The following WWOX variants were observed in gnomAD, a reference collection of about 807,000 sequenced individuals.
The protein encoded by WWOX is WW domain containing oxidoreductase, also known as WW domain-containing oxidoreductase.
Under a neutral mutation model 46.2 loss-of-function variants are expected in WWOX, and 69 were observed. The ratio of observed to expected loss-of-function variants is 1.49; its 90% CI spans 1.23 to 1.82. The LOEUF is 1.82. WWOX is among the 40% of genes most tolerant of loss of function. The probability of loss-of-function intolerance (pLI) is 0.00; values close to 1 mark genes in which losing one functional copy is unlikely to be tolerated. For missense variants in WWOX, 919 were observed against 542.6 expected (o/e 1.69, Z -6.89); for synonymous variants, 359 against 202.6 (o/e 1.77, Z -6.56).
rs369414064 is a variant in WWOX, at chr16:78,320,465, C to A, written c.517-66395C>A. 3.3e-5 allele frequency among the ~76,000 whole-genome samples: 5 copies of A among 152,130 alleles called. No homozygotes were observed. In the East Asian group the frequency reaches 9.6e-4, roughly 29 times the overall value. On this transcript the variant is annotated intron_variant, in intron 5 of 8. Coordinates refer to ENST00000566780, the MANE Select transcript of WWOX (RefSeq NM_016373.4). Reference sequence around the variant, plus strand: ...TTTGTTTTTAAGTCCCTAGCTGTTTCCAGAAATAGTTTGGTTAATTCATAC... The same window carrying A: ...TTTGTTTTTAAGTCCCTAGCTGTTTACAGAAATAGTTTGGTTAATTCATAC...
chr16:78,793,823 C>T (rs955742060), intron 8 of WWOX, among the ~76,000 whole-genome samples: 4 of 151,942 alleles, frequency 2.6e-5, no homozygotes, highest in African/African-American at 7.2e-5. Context: ...CGTCTGTAAT[C>T]CCAGCACGTT....
chr16:78,650,776 C>G (rs952254658), intron 8 of WWOX, among the ~76,000 whole-genome samples: 2 of 152,178 alleles, frequency 1.3e-5, no homozygotes, highest in African/African-American at 2.4e-5. Context: ...ATGTCTCCCC[C>G]TGTCCCACAA....
intron 8 of WWOX, among the ~76,000 whole-genome samples, chr16:78,560,613 C>T (rs1373615854): frequency 1.3e-5 from 2 of 152,074 alleles, no homozygotes; most frequent in African/African-American, 4.8e-5. Context: ...CATTATACTC[C>T]AGTCTAGGCA....
At chr16:78,459,792 T>G (rs983980390) in intron 8 of WWOX, among the ~76,000 whole-genome samples, 1 of 152,218 alleles carries the variant, frequency 6.6e-6, no homozygotes, top group African/African-American at 2.4e-5. Flanking sequence ...ATTGTTAGAC[T>G]AGATTTTATT....
chr16:78,800,524 C>G (rs938851513), intron 8 of WWOX, among the ~76,000 whole-genome samples: 1 of 152,114 alleles, frequency 6.6e-6, no homozygotes, highest in African/African-American at 2.4e-5. Context: ...GGGGGTAAGC[C>G]TATATGGTCA....
At chr16:78,566,281 T>A (rs1402149645) in intron 8 of WWOX, among the ~76,000 whole-genome samples, 1 of 152,146 alleles carries the variant, frequency 6.6e-6, no homozygotes, top group African/African-American at 2.4e-5. Flanking sequence ...AGCATATGAA[T>A]TTGGGGGAGC....
At chr16:78,564,818 C>T (rs12930745) in intron 8 of WWOX, among the ~76,000 whole-genome samples, 24,770 of 151,996 alleles carry the variant, frequency 0.16, 2,470 homozygotes, top group African/African-American at 0.28. Flanking sequence ...GATCTATTTA[C>T]GGATCATCAG....
intron 8 of WWOX, among the ~76,000 whole-genome samples, chr16:78,582,876 C>T (rs1351328382): frequency 6.6e-6 from 1 of 152,150 alleles, no homozygotes; most frequent in African/African-American, 2.4e-5. Context: ...GTACCGGGAA[C>T]CTCCTATGGG....
At chr16:78,224,720 A>C (rs1018511021) in intron 5 of WWOX, among the ~76,000 whole-genome samples, 3 of 152,206 alleles carry the variant, frequency 2.0e-5, no homozygotes, top group Admixed American at 6.5e-5. Flanking sequence ...TTAATTGCCA[A>C]ATTGCTTTCT....
At chr16:78,823,778 G>GT (rs2051571148) in intron 8 of WWOX, among the ~76,000 whole-genome samples, 3 of 107,672 alleles carry the variant, frequency 2.8e-5, no homozygotes, top group African/African-American at 6.3e-5. Flanking sequence ...TTCTAGACTT[G>GT]TTATTTTTTT....
At chr16:78,903,052 G>C (rs1299467144) in intron 8 of WWOX, among the ~76,000 whole-genome samples, 2 of 152,152 alleles carry the variant, frequency 1.3e-5, no homozygotes, top group East Asian at 3.9e-4. Flanking sequence ...AGCAAGAGAA[G>C]AATGAAGCAA....
chr16:79,078,968 C>T (rs79153854), intron 8 of WWOX, among the ~76,000 whole-genome samples: 3,258 of 152,232 alleles, frequency 0.021, 87 homozygotes, highest in East Asian at 0.1. Context: ...AGTTATTTTT[C>T]CCCCCAAATT....
chr16:79,076,343 C>G (rs1168310686), intron 8 of WWOX, among the ~76,000 whole-genome samples: 1 of 152,192 alleles, frequency 6.6e-6, no homozygotes, highest in Non-Finnish European at 1.5e-5. Context: ...CTTGGAAACC[C>G]TGAAATGTAG....
chr16:78,808,942 A>G (rs2051114952), intron 8 of WWOX, among the ~76,000 whole-genome samples: 1 of 152,124 alleles, frequency 6.6e-6, no homozygotes, highest in South Asian at 2.1e-4. Context: ...TTAGGGGCGA[A>G]ATGTCATGCG....
At chr16:79,044,400 T>G (rs2048029014) in intron 8 of WWOX, among the ~76,000 whole-genome samples, 1 of 152,126 alleles carries the variant, frequency 6.6e-6, no homozygotes, top group African/African-American at 2.4e-5. Context: ...TCATGAATGG[T>G]TTACCACCAT....
intron 8 of WWOX, among the ~76,000 whole-genome samples, chr16:78,859,212 C>G (rs1477898828): frequency 2.6e-5 from 4 of 151,270 alleles, no homozygotes; most frequent in Admixed American, 2.0e-4. Context: ...AAAATGAGTT[C>G]AACTGATTTC....
intron 8 of WWOX, among the ~76,000 whole-genome samples, chr16:78,613,007 G>A (rs939917537): frequency 6.6e-6 from 1 of 152,086 alleles, no homozygotes; most frequent in Non-Finnish European, 1.5e-5. Context: ...GTCCTTCTCA[G>A]AACACCACTC....
At chr16:78,278,093 C>T (rs1001936170) in intron 5 of WWOX, among the ~76,000 whole-genome samples, 1 of 152,098 alleles carries the variant, frequency 6.6e-6, no homozygotes, top group Non-Finnish European at 1.5e-5. Context: ...TCCATAATGC[C>T]AAACATTTGT....
intron 5 of WWOX, chr16:78,238,164 T>A (rs1456200385): frequency 6.6e-6 from 1 of 152,190 alleles, no homozygotes. Flanking sequence ...AGTCCCTTTT[T>A]TGTTATTCCA....
Sources: gnomAD v4.1 joint callset for allele counts (sites outside exome capture counted in the v4.1 genomes callset) on GRCh38, gnomAD v4.1.1 for gene constraint, MANE v1.5 for transcripts, NCBI Gene and HGNC (gene_info 2026-07-23, HGNC 2026-07-21) for gene names.